MECR: variants seen among roughly 807,000 people sequenced by gnomAD.
MECR encodes the protein enoyl-[acyl-carrier-protein] reductase, mitochondrial.
A neutral mutation model predicts 49.1 loss-of-function variants in MECR; 37 were observed. That is an observed-to-expected ratio of 0.75 (90% CI 0.58 to 0.99). The LOEUF is 0.99. Among genes scored for constraint, MECR ranks in the 50% least tolerant of loss-of-function variants. The pLI is 0.00. For synonymous variants in MECR, 198 were observed against 191.1 expected (o/e 1.04, Z -0.30); for missense variants, 470 against 479.6 (o/e 0.98, Z 0.19).
At chr1:29,169,612 T>C in the MECR span, 2 of 152,222 alleles carry the variant, frequency 1.3e-5, no homozygotes, top group African/African-American at 2.4e-5. Context: ...AAGAAACTTA[T>C]ATCTCAGCAA....
rs2452785 is a variant in MECR at position 29,207,089 on chromosome 1, C to T, written c.407-184G>A. On this transcript the variant is annotated intron_variant, in intron 3 of 9. Transcript: ENST00000263702. ...GGACGTTCCTCTGAATGTCTGAGTC[C>T]TCATGATAATTATGCACAATAGATT... Among the ~76,000 whole-genome samples, 103,910 of 151,996 alleles carry T rather than the reference C, an allele frequency of 0.68. 37,074 individuals carry two copies. Among genetic ancestry groups the T allele is most frequent in the Non-Finnish European group, 0.8 (54,063 of 67,952 alleles).
At chr1:29,182,127 C>G in the MECR span, 14 of 184,492 alleles carry the variant, frequency 7.6e-5, no homozygotes, top group East Asian at 2.2e-3. Flanking sequence ...GCTGGCTTCG[C>G]CCCTCCCCCG....
At chr1:29,216,492 C>T in intron 2 of MECR, 96 bp downstream of exon 2, 1 of 1,242,380 alleles carries the variant, frequency 8.0e-7, no homozygotes, top group Non-Finnish European at 1.2e-6. Context: ...TGCTGCTAAT[C>T]ACAGGCATTT....
In MECR at chr1:29,203,130, C is replaced by T; in HGVS notation, c.653+1G>A. The stretch of plus-strand genomic sequence containing the variant: ...GGGATGAAGCCTCCTTCCCCACGCA[C>T]CTGTCTCGGACCACATTGATGGTTC... On this transcript the variant is annotated splice_donor_variant, in intron 5 of 9. Transcript: ENST00000263702. LOFTEE classifies it high-confidence loss of function. 1 of 1,569,814 alleles carries T rather than the reference C, an allele frequency of 6.4e-7. No homozygotes were observed. The highest frequency in any genetic ancestry group is 8.7e-7 in the Non-Finnish European group (1 of 1,154,248).
chr1:29,181,851 CG>C, the MECR span: 1 of 1,020,452 alleles, frequency 9.8e-7, no homozygotes, highest in Non-Finnish European at 1.3e-6. Flanking sequence ...CGGCAACGGG[CG>C]GGCGGCGGGA....
intron 1 of MECR, chr1:29,221,186 G>C (rs1337329600): frequency 6.6e-6 from 1 of 151,984 alleles, no homozygotes. Flanking sequence ...ACTCTAGCCT[G>C]GGCAACAGGA....
At chr1:29,219,446 C>T (rs1553346167) in intron 1 of MECR, among the ~76,000 whole-genome samples, 1 of 152,120 alleles carries the variant, frequency 6.6e-6, no homozygotes, top group Non-Finnish European at 1.5e-5. Context: ...ACTCACCCTT[C>T]AAGGCCCAGT....
Position 29,230,785 on chromosome 1 carries a change from G to A in MECR, c.122C>T (p.Ala41Val). ...CCCATAGACAAGCGCCCGGACCCGG[G>A]CAGGCTCGGCGGATGCGGAGTAGGA... is the stretch of plus-strand genomic sequence containing the variant. ...ASSYSASAEPARVRALVYGHH... is the reference protein window; with the variant it reads ...ASSYSASAEPVRVRALVYGHH... Residue 41 changes from alanine to valine, a missense_variant, in exon 1 of 10, where the codon GCC becomes GTC. Coordinates refer to ENST00000263702, the MANE Select transcript of MECR (RefSeq NM_016011.5). 6.2e-7 allele frequency: 1 copy of A among 1,604,256 alleles called. No homozygotes were observed. The highest frequency in any genetic ancestry group is 8.5e-7 in the Non-Finnish European group (1 of 1,176,082).
Position 29,201,388 on chromosome 1 carries a change from G to T in MECR, c.756+555C>A, listed in dbSNP as rs1421609965. 1 of 533,144 alleles carries T rather than the reference G, an allele frequency of 1.9e-6. No homozygotes were observed. The allele number at this position is 533,144 out of a possible 1,614,324, so 33.0% of individuals were successfully genotyped here. On this transcript the variant is annotated intron_variant, in intron 6 of 9. Transcript: ENST00000263702. This position sits in a 1 kb window ranked among gnomAD's most constrained non-coding sequence, Gnocchi z 4.3. ...TGGTCACTTACTAGGCATGTTGTGG[G>T]GTGGAGGTTCTGGAAGGTTAAGAGG...
intron 7 of MECR, 141 bp downstream of exon 7, chr1:29,200,375 C>T (rs1675019342): frequency 1.4e-6 from 1 of 701,224 alleles, no homozygotes; most frequent in Non-Finnish European, 2.3e-6. Flanking sequence ...AGCTGGATGA[C>T]TTTGGTCCTA....
rs113271042 is a variant in MECR at position 29,216,643 on chromosome 1, G to A, written c.219C>T (p.Val73=). The part of the protein sequence containing the change: ...LELAAVRGSD[V]RVKMLAAPIN... Reference sequence around the variant, plus strand: ...TAGGGGCCGCCAGCATCTTCACACGGACATCTGATCCTCTCACAGCAGCTA... The same window carrying A: ...TAGGGGCCGCCAGCATCTTCACACGAACATCTGATCCTCTCACAGCAGCTA... Residue 73 remains valine (V), a synonymous_variant, in exon 2 of 10, where the codon GTC becomes GTT. Coordinates refer to ENST00000263702, the MANE Select transcript of MECR (RefSeq NM_016011.5). 8.5e-5 allele frequency: 137 copies of A among 1,614,212 alleles called. No homozygotes were observed. The Middle Eastern group carries it at 2.0e-3, about 23-fold the overall frequency.
chr1:29,179,628 T>C, the MECR span, among the ~76,000 whole-genome samples: 1 of 152,206 alleles, frequency 6.6e-6, no homozygotes, highest in Admixed American at 6.5e-5. Flanking sequence ...CAAGTCACCA[T>C]GCCTGAGCCC....
intron 1 of MECR, among the ~76,000 whole-genome samples, chr1:29,218,264 G>A (rs1175154147): frequency 6.6e-6 from 1 of 152,216 alleles, no homozygotes; most frequent in Non-Finnish European, 1.5e-5. Context: ...AAGGAGCTCT[G>A]CCAACCAGAT....
chr1:29,206,558 T>C, intron 4 of MECR, among the ~76,000 whole-genome samples: 1 of 152,020 alleles, frequency 6.6e-6, no homozygotes. Context: ...TTTTCGAGAG[T>C]GTACTCCTCA....
chr1:29,179,532 A>G, the MECR span, among the ~76,000 whole-genome samples: 1 of 152,096 alleles, frequency 6.6e-6, no homozygotes, highest in Non-Finnish European at 1.5e-5. Context: ...GCTAATTAAA[A>G]AAATTTTTTT....
intron 6 of MECR, 137 bp from the exon 7 acceptor site, chr1:29,200,726 A>ATG: frequency 1.5e-6 from 1 of 663,884 alleles, no homozygotes; most frequent in Non-Finnish European, 2.7e-6. Flanking sequence ...ACTTATGTAT[A>ATG]TGTGTGTGTG....
the MECR span, among the ~76,000 whole-genome samples, chr1:29,178,353 C>CTTTTTTTTTTTTTTT: frequency 1.3e-4 from 17 of 127,900 alleles, 1 homozygote; most frequent in African/African-American, 2.4e-4. Flanking sequence ...GTTTCAATTA[C>CTTTTTTTTTTTTTTT]TTTTTTTTTT....
At chr1:29,218,654 C>T (rs1207427390) in intron 1 of MECR, among the ~76,000 whole-genome samples, 4 of 152,260 alleles carry the variant, frequency 2.6e-5, no homozygotes, top group African/African-American at 7.2e-5. Context: ...GGATGGATCA[C>T]GAGGTCAGGA....
intron 1 of MECR, chr1:29,220,784 A>C: frequency 2.3e-6 from 1 of 441,598 alleles, no homozygotes; most frequent in Non-Finnish European, 3.0e-6. Flanking sequence ...ACGAGAACTC[A>C]GTTCACGGGA....
Sources: gnomAD v4.1 joint callset for allele counts (sites outside exome capture counted in the v4.1 genomes callset) on GRCh38, gnomAD v4.1.1 for gene constraint, Gnocchi (gnomAD v3.1) non-coding constraint, MANE v1.5 for transcripts, NCBI Gene and HGNC (gene_info 2026-07-23, HGNC 2026-07-21) for gene names.